The following GPC6 variants were observed in gnomAD, a reference collection of about 807,000 sequenced individuals.
The protein encoded by GPC6 is glypican 6.
Under a neutral mutation model 55.2 loss-of-function variants are expected in GPC6, and 14 were observed. The ratio of observed to expected loss-of-function variants is 0.25; its 90% confidence interval spans 0.17 to 0.40. The LOEUF (loss-of-function observed/expected upper bound fraction) is 0.40, where lower values mean the gene tolerates loss of function less well. GPC6 is among the 10% of genes least tolerant of loss of function. The pLI, the probability that GPC6 is intolerant of heterozygous loss-of-function variation, is 1.00. For missense variants in GPC6, 641 were observed against 708.5 expected, an observed-to-expected ratio of 0.90 and a Z score of 1.08; for synonymous variants, 278 against 259.6, an observed-to-expected ratio of 1.07 and a Z score of -0.68.
Position 93,418,899 on chromosome 13 carries a change from G to A in GPC6, c.161-126364G>A, listed in dbSNP as rs149192944. ...CATAGTATTATTTTATTAATGGCAC[G>A]ATACCATAGTATTATTTTATTAATA... On this transcript the variant is annotated intron_variant, in intron 1 of 8. Coordinates refer to ENST00000377047, the MANE Select transcript of GPC6 (RefSeq NM_005708.5). Among the ~76,000 whole-genome samples, 6 of 126,804 alleles carry A rather than the reference G, an allele frequency of 4.7e-5. No individual in the cohort carries two copies. The East Asian group carries it at 7.4e-4, about 16-fold the overall frequency. 83.2% of individuals were successfully genotyped at this position (126,804 alleles called of 152,430 possible). A position where few individuals can be genotyped will look rare whatever the true frequency, so the allele number is the denominator to read the frequency against.
At chr13:94,015,306 T>C (rs1354965168) in intron 3 of GPC6, among the ~76,000 whole-genome samples, 2 of 152,194 alleles carry the variant, frequency 1.3e-5, no homozygotes, top group Non-Finnish European at 2.9e-5. Context: ...TTTTGTTGAG[T>C]CTGTTAGCCA....
intron 1 of GPC6, among the ~76,000 whole-genome samples, chr13:93,324,816 G>A (rs1280627872): frequency 6.6e-6 from 1 of 151,914 alleles, no homozygotes; most frequent in Admixed American, 6.6e-5. Flanking sequence ...ATGAGTAAAT[G>A]TTAAGAGATT....
chr13:93,905,760 A>T (rs530393315), intron 3 of GPC6, among the ~76,000 whole-genome samples: 3 of 152,224 alleles, frequency 2.0e-5, no homozygotes, highest in Non-Finnish European at 4.4e-5. Flanking sequence ...TAATGAATGA[A>T]TCCTGCTAGG....
chr13:93,443,800 C>T (rs559480596), intron 1 of GPC6, among the ~76,000 whole-genome samples: 1 of 152,292 alleles, frequency 6.6e-6, no homozygotes, highest in Non-Finnish European at 1.5e-5. Context: ...TGGCCTTAAT[C>T]ATGATCTAAG....
At chr13:94,167,899 T>C (rs1888420686) in intron 4 of GPC6, among the ~76,000 whole-genome samples, 1 of 152,256 alleles carries the variant, frequency 6.6e-6, no homozygotes, top group Non-Finnish European at 1.5e-5. Context: ...ATAATAGTAA[T>C]GCCAATTGCT....
At chr13:93,703,001 T>G (rs947188275) in intron 2 of GPC6, among the ~76,000 whole-genome samples, 4 of 151,952 alleles carry the variant, frequency 2.6e-5, no homozygotes, top group South Asian at 2.1e-4. Flanking sequence ...TTCAAGAACT[T>G]TTCCTTCACA....
chr13:94,209,239 G>A (rs1036655192), intron 4 of GPC6, among the ~76,000 whole-genome samples: 1 of 152,110 alleles, frequency 6.6e-6, no homozygotes, highest in Non-Finnish European at 1.5e-5. Flanking sequence ...GACTCATGTT[G>A]TTTGTTCCCT....
intron 1 of GPC6, among the ~76,000 whole-genome samples, chr13:93,538,843 A>G (rs773071940): frequency 4.9e-4 from 74 of 152,192 alleles, no homozygotes; most frequent in Non-Finnish European, 1.0e-3. Context: ...CTATTTCACC[A>G]TAAACCATAA....
At chr13:93,840,938 A>C (rs1431232808) in intron 3 of GPC6, among the ~76,000 whole-genome samples, 1 of 152,156 alleles carries the variant, frequency 6.6e-6, no homozygotes, top group Non-Finnish European at 1.5e-5. Flanking sequence ...TCCCAGTCTC[A>C]ATGCTGCCCA....
intron 1 of GPC6, among the ~76,000 whole-genome samples, chr13:93,285,824 T>C (rs1240047518): frequency 1.3e-5 from 2 of 152,162 alleles, no homozygotes; most frequent in Admixed American, 1.3e-4. Flanking sequence ...TTAAAAATTG[T>C]GGAAGTATAG....
intron 1 of GPC6, among the ~76,000 whole-genome samples, chr13:93,282,658 T>C (rs1281285531): frequency 6.6e-6 from 1 of 152,182 alleles, no homozygotes; most frequent in African/African-American, 2.4e-5. Context: ...TAAACACAGT[T>C]TAAATAATCA....
At chr13:93,482,022 T>C (rs1283592242) in intron 1 of GPC6, among the ~76,000 whole-genome samples, 1 of 152,200 alleles carries the variant, frequency 6.6e-6, no homozygotes, top group Admixed American at 6.5e-5. Flanking sequence ...CTTAACACTA[T>C]TTAGTCTTGT....
At chr13:94,385,820 A>G (rs1157431224) in intron 7 of GPC6, among the ~76,000 whole-genome samples, 1 of 152,210 alleles carries the variant, frequency 6.6e-6, no homozygotes, top group Admixed American at 6.5e-5. Flanking sequence ...CTATTTTGTA[A>G]GAATCCATTT....
chr13:93,444,138 A>G (rs1877908076), intron 1 of GPC6, among the ~76,000 whole-genome samples: 1 of 151,708 alleles, frequency 6.6e-6, no homozygotes, highest in Non-Finnish European at 1.5e-5. Context: ...ATCAAAATAT[A>G]CTACTAAAAG....
At chr13:94,049,263 A>AG (rs71126428) in intron 4 of GPC6, among the ~76,000 whole-genome samples, 2 of 150,262 alleles carry the variant, frequency 1.3e-5, no homozygotes, top group Admixed American at 6.6e-5. Context: ...AAAAAAAAAA[A>AG]GAGGCATTGT....
chr13:93,946,299 A>T (rs1212755435), intron 3 of GPC6, among the ~76,000 whole-genome samples: 1 of 152,174 alleles, frequency 6.6e-6, no homozygotes, highest in Non-Finnish European at 1.5e-5. Flanking sequence ...TTGAGCATTT[A>T]TGAGTTTATT....
At chr13:94,031,994 G>C (rs73544023) in intron 4 of GPC6, among the ~76,000 whole-genome samples, 2,790 of 152,264 alleles carry the variant, frequency 0.018, 91 homozygotes, top group African/African-American at 0.062. Context: ...GAACCAGAGA[G>C]AGATTTCTAA....
At chr13:93,498,342 G>C (rs1012772366) in intron 1 of GPC6, among the ~76,000 whole-genome samples, 3 of 152,142 alleles carry the variant, frequency 2.0e-5, no homozygotes, top group African/African-American at 7.2e-5. Context: ...CAACAGTCAT[G>C]ATACCCTTTT....
At chr13:93,437,595 T>C (rs986107228) in intron 1 of GPC6, among the ~76,000 whole-genome samples, 5 of 152,162 alleles carry the variant, frequency 3.3e-5, no homozygotes, top group African/African-American at 1.2e-4. Context: ...CCCTAACTCC[T>C]TTCAATTCTA....
Sources: allele counts gnomAD v4.1 joint callset (sites outside exome capture counted in the v4.1 genomes callset), GRCh38; gene constraint gnomAD v4.1.1; transcripts MANE v1.5; gene names NCBI Gene and HGNC (gene_info 2026-07-23, HGNC 2026-07-21).